The following CSMD1 variants were observed in gnomAD, a reference collection of about 807,000 sequenced individuals.
The protein encoded by CSMD1 is CUB and sushi domain-containing protein 1.
CSMD1 carries 213 observed loss-of-function variants against 417.5 expected under a neutral mutation model. The observed-to-expected ratio is 0.51, with a 90% CI of 0.46 to 0.57. CSMD1 has a LOEUF of 0.57. CSMD1 is among the 20% of genes least tolerant of loss of function. The probability of loss-of-function intolerance (pLI) is 0.00; values close to 1 mark genes in which losing one functional copy is unlikely to be tolerated. For synonymous variants in CSMD1, 2,862 were observed against 1,736.8 expected, an observed-to-expected ratio of 1.65 and a Z score of -16.11; for missense variants, 6,923 against 4,529.7, an observed-to-expected ratio of 1.53 and a Z score of -15.17.
intron 2 of CSMD1, among the ~76,000 whole-genome samples, chr8:4,517,908 G>A (rs1285160377): frequency 6.6e-6 from 1 of 152,164 alleles, no homozygotes; most frequent in Non-Finnish European, 1.5e-5. Flanking sequence ...TCTAGTAACA[G>A]TCTAAGAGTA....
chr8:3,579,555 T>A (rs2200076), intron 9 of CSMD1, among the ~76,000 whole-genome samples: 126,122 of 152,092 alleles, frequency 0.83, 53,005 homozygotes, highest in African/African-American at 0.87. Context: ...TTAGGAGAAA[T>A]CATTTTTATC....
intron 3 of CSMD1, among the ~76,000 whole-genome samples, chr8:4,225,611 T>C (rs1801302347): frequency 2.6e-5 from 4 of 152,216 alleles, no homozygotes; most frequent in East Asian, 1.9e-4. Flanking sequence ...AATATGCTGT[T>C]GTCCATTTTC....
chr8:3,861,384 G>A (rs1296463096), intron 5 of CSMD1, among the ~76,000 whole-genome samples: 3 of 152,344 alleles, frequency 2.0e-5, no homozygotes, highest in East Asian at 3.9e-4. Context: ...TTAGCAGACA[G>A]CATTGTTCAT....
At chr8:3,676,543 T>A (rs1479466460) in intron 7 of CSMD1, among the ~76,000 whole-genome samples, 1 of 152,214 alleles carries the variant, frequency 6.6e-6, no homozygotes, top group African/African-American at 2.4e-5. Context: ...TATATCCGAA[T>A]GGTACACATG....
At chr8:4,234,515 G>C (rs749405262) in intron 3 of CSMD1, among the ~76,000 whole-genome samples, 18 of 152,094 alleles carry the variant, frequency 1.2e-4, no homozygotes, top group Non-Finnish European at 2.1e-4. Context: ...GTCTACACTA[G>C]ATATCACTCC....
At chr8:4,614,679 T>C (rs1352055709) in intron 2 of CSMD1, among the ~76,000 whole-genome samples, 1 of 151,930 alleles carries the variant, frequency 6.6e-6, no homozygotes, top group Admixed American at 6.6e-5. Flanking sequence ...GCACACACAC[T>C]GGATGCACGA....
intron 3 of CSMD1, among the ~76,000 whole-genome samples, chr8:4,175,391 T>A (rs1324892519): frequency 6.6e-6 from 1 of 152,186 alleles, no homozygotes; most frequent in African/African-American, 2.4e-5. Context: ...ATCTTCTCTC[T>A]TACCTGCGCT....
At chr8:3,157,868 C>T (rs1457290193) in intron 39 of CSMD1, 29 bp downstream of exon 39, 1 of 1,530,114 alleles carries the variant, frequency 6.5e-7, no homozygotes, top group East Asian at 2.5e-5. Flanking sequence ...GTGTGCGCAG[C>T]AGCAGAGTTA....
rs201172705 is a variant in CSMD1 at position 4,096,380 on chromosome 8, TG to T, written c.416-64282del. ...TATGGGGCTCCCAGACATGGCCTAG[TG>T]GATGCCTATGGCTCTAATCCAGACA... On this transcript the variant is annotated intron_variant, in intron 3 of 69. Coordinates refer to ENST00000635120, the MANE Select transcript of CSMD1 (RefSeq NM_033225.6). Among the ~76,000 whole-genome samples, 1,048 of 152,190 alleles carry T rather than the reference TG, an allele frequency of 6.9e-3. 13 individuals are homozygous for T. Among genetic ancestry groups the T allele is most frequent in the African/African-American group, 0.024 (1,003 of 41,514 alleles).
intron 26 of CSMD1, among the ~76,000 whole-genome samples, chr8:3,282,799 C>T (rs556524596): frequency 6.6e-5 from 10 of 152,248 alleles, no homozygotes; most frequent in Admixed American, 5.2e-4. Flanking sequence ...TATTAGCAAC[C>T]TTTTAAAGCA....
chr8:4,437,606 T>C lies in CSMD1; in HGVS notation c.303-17541A>G, dbSNP rs532790640. On this transcript the variant is annotated intron_variant, in intron 2 of 69. Transcript: ENST00000635120. The stretch of plus-strand genomic sequence containing the variant: ...TAAAATGTTTTTATTTCATACTCTA[T>C]CAGCCTCTGTTCACCAAGCCTTTCC... Among the ~76,000 whole-genome samples the C allele has an allele frequency of 9.2e-5, 14 of 152,342 alleles. No individual in the cohort carries two copies. In the East Asian group the frequency reaches 2.7e-3, roughly 29 times the overall value.
At chr8:3,602,192 C>G (rs1801395993) in intron 8 of CSMD1, among the ~76,000 whole-genome samples, 1 of 152,164 alleles carries the variant, frequency 6.6e-6, no homozygotes, top group Admixed American at 6.6e-5. Flanking sequence ...CTTTAAAAAT[C>G]TTCATGACTG....
chr8:4,445,445 A>C (rs1677997749), intron 2 of CSMD1, among the ~76,000 whole-genome samples: 2 of 152,184 alleles, frequency 1.3e-5, no homozygotes, highest in South Asian at 4.1e-4. Flanking sequence ...GTCTTTCAAA[A>C]TTTATACCCT....
rs35869578 is a variant in CSMD1, at chr8:4,757,959, C to CAA, written c.86-120403_86-120402dup. On this transcript the variant is annotated intron_variant, in intron 1 of 69. Transcript: ENST00000635120. ...TGGGCAACAGAGAGAGACTTTGTCT[C>CAA]AAAAAAAAAAAAAAAAAAAAAGGAA... Among the ~76,000 whole-genome samples, 200 of 71,862 alleles carry CAA rather than the reference C, an allele frequency of 2.8e-3. 3 individuals carry two copies. The highest frequency in any genetic ancestry group is 8.2e-3 in the Middle Eastern group (1 of 122). 47.1% of individuals were successfully genotyped at this position (71,862 alleles called of 152,430 possible).
At chr8:3,049,509 T>C (rs11990503) in intron 50 of CSMD1, among the ~76,000 whole-genome samples, 45,210 of 151,826 alleles carry the variant, frequency 0.3, 6,877 homozygotes, top group East Asian at 0.36. Context: ...TGATTCCCAA[T>C]ATATGACATT....
At chr8:3,868,511 A>C (rs1417495580) in intron 5 of CSMD1, among the ~76,000 whole-genome samples, 2 of 152,102 alleles carry the variant, frequency 1.3e-5, no homozygotes, top group Non-Finnish European at 1.5e-5. Context: ...AACACTTACC[A>C]ACACCACCAA....
chr8:3,850,487 G>A (rs1293875521), intron 5 of CSMD1, among the ~76,000 whole-genome samples: 2 of 152,150 alleles, frequency 1.3e-5, no homozygotes, highest in Admixed American at 6.6e-5. Context: ...TTGAGGTCAA[G>A]AGTTCAAGAC....
At chr8:3,297,761 C>T (rs1038100343) in intron 25 of CSMD1, among the ~76,000 whole-genome samples, 2 of 151,976 alleles carry the variant, frequency 1.3e-5, no homozygotes, top group Non-Finnish European at 2.9e-5. Context: ...GCAATCTGGA[C>T]ACAAAATCAC....
At chr8:3,204,574 G>GT (rs1797148830) in intron 31 of CSMD1, among the ~76,000 whole-genome samples, 2 of 152,174 alleles carry the variant, frequency 1.3e-5, no homozygotes, top group South Asian at 4.2e-4. Flanking sequence ...CATTACATTC[G>GT]TAAGAGGCCC....
Sources: allele counts gnomAD v4.1 joint callset (sites outside exome capture counted in the v4.1 genomes callset), GRCh38; gene constraint gnomAD v4.1.1; transcripts MANE v1.5; gene names NCBI Gene and HGNC (gene_info 2026-07-23, HGNC 2026-07-21).